The following ATF6 variants were observed in gnomAD, a reference collection of about 807,000 sequenced individuals.
ATF6 encodes cyclic AMP-dependent transcription factor ATF-6 alpha.
Under a neutral mutation model 83.6 loss-of-function variants are expected in ATF6, and 53 were observed. That is an observed-to-expected ratio of 0.63 (90% CI 0.51 to 0.80). The LOEUF is 0.80. Ranked by LOEUF, ATF6 falls within the 30% of genes least tolerant of loss-of-function variation. ATF6 has a pLI of 0.00. For synonymous variants in ATF6, 288 were observed against 285.8 expected, an observed-to-expected ratio of 1.01 and a Z score of -0.08; for missense variants, 744 against 797.9, an observed-to-expected ratio of 0.93 and a Z score of 0.81.
chr1:161,818,998 A>C (rs1685683849), intron 7 of ATF6, among the ~76,000 whole-genome samples: 1 of 152,162 alleles, frequency 6.6e-6, no homozygotes. Context: ...GTATTAGGAG[A>C]GTGGAAGAGG....
chr1:161,779,687 C>A (rs1188184867), intron 2 of ATF6, among the ~76,000 whole-genome samples: 1 of 152,108 alleles, frequency 6.6e-6, no homozygotes, highest in Non-Finnish European at 1.5e-5. Context: ...ACATTGGTAA[C>A]TTTACTTAGA....
At position 161,964,001 on chromosome 1, in the gene ATF6, C is replaced by T. The variant is rs1689155773; in HGVS notation, c.*5347C>T. The T allele has an allele frequency of 6.6e-6, 1 of 152,194 alleles. No individual in the cohort carries two copies. Among genetic ancestry groups the T allele is most frequent in the Non-Finnish European group, 1.5e-5 (1 of 68,030 alleles). 9.4% of individuals were successfully genotyped at this position (152,194 alleles called of 1,614,324 possible). A position where few individuals can be genotyped will look rare whatever the true frequency, so the allele number is the denominator to read the frequency against. ...AAGAAATAATAACAACAGACTATTT[C>T]ATACTTTCAAGCAAGTCTTTATACT... On this transcript the variant is annotated 3_prime_UTR_variant, in exon 16 of 16. Coordinates refer to ENST00000367942, the MANE Select transcript of ATF6 (RefSeq NM_007348.4).
intron 9 of ATF6, among the ~76,000 whole-genome samples, chr1:161,824,485 G>A (rs1025779773): frequency 6.7e-6 from 1 of 149,980 alleles, no homozygotes; most frequent in African/African-American, 2.5e-5. Context: ...ATTCCCTATC[G>A]CCTTTCTTTC....
At chr1:161,935,527 T>G (rs1272761292) in intron 15 of ATF6, among the ~76,000 whole-genome samples, 1 of 152,192 alleles carries the variant, frequency 6.6e-6, no homozygotes, top group East Asian at 1.9e-4. Context: ...AAATTTCTGG[T>G]TTTTATAAGC....
intron 6 of ATF6, 86 bp downstream of exon 6, chr1:161,792,413 A>G (rs1346663797): frequency 4.6e-6 from 6 of 1,312,990 alleles, no homozygotes; most frequent in South Asian, 1.3e-5. Context: ...TTCAGGTTAT[A>G]ATTTCTGAGC....
intron 1 of ATF6, among the ~76,000 whole-genome samples, chr1:161,773,083 A>G (rs1218447958): frequency 2.0e-5 from 3 of 148,198 alleles, no homozygotes; most frequent in Non-Finnish European, 4.4e-5. Flanking sequence ...TTCCCGCCTC[A>G]GCTTCCTGAG....
intron 12 of ATF6, among the ~76,000 whole-genome samples, chr1:161,854,977 T>C (rs1456402702): frequency 2.6e-5 from 4 of 151,900 alleles, no homozygotes; most frequent in African/African-American, 9.7e-5. Context: ...TGAGTACGAC[T>C]GGAATGCAGG....
At chr1:161,818,139 A>T (rs911195946) in intron 7 of ATF6, among the ~76,000 whole-genome samples, 2 of 151,990 alleles carry the variant, frequency 1.3e-5, no homozygotes, top group Non-Finnish European at 2.9e-5. Flanking sequence ...ACATTCTTTA[A>T]CTTTATTTAC....
chr1:161,782,079 G>A (rs1684644434), intron 3 of ATF6, 80 bp downstream of exon 3: 1 of 953,512 alleles, frequency 1.0e-6, no homozygotes, highest in Non-Finnish European at 1.6e-6. Flanking sequence ...AATTAGGTGG[G>A]GTTATTGGGC....
At chr1:161,873,636 C>T (rs1481886794) in intron 14 of ATF6, among the ~76,000 whole-genome samples, 1 of 151,574 alleles carries the variant, frequency 6.6e-6, no homozygotes, top group Non-Finnish European at 1.5e-5. Context: ...CACATTGCTG[C>T]TAGTCTTCTA....
At chr1:161,912,183 T>C (rs1268049442) in intron 14 of ATF6, 113 bp from the exon 15 acceptor site, 2 of 576,664 alleles carry the variant, frequency 3.5e-6, no homozygotes, top group Non-Finnish European at 5.8e-6. Context: ...AAATAAAAAC[T>C]ATAATTTTTC....
chr1:161,861,544 T>C (rs1686886336), intron 13 of ATF6, among the ~76,000 whole-genome samples: 1 of 152,212 alleles, frequency 6.6e-6, no homozygotes, highest in South Asian at 2.1e-4. Context: ...AATTTTTGGA[T>C]GCATGGTTAT....
At position 161,960,786 on chromosome 1, in the gene ATF6, G is replaced by C. The variant is rs1392035669; in HGVS notation, c.*2132G>C. 6.6e-6 allele frequency: 1 copy of C among 152,190 alleles called. No individual in the cohort carries two copies. The highest frequency in any genetic ancestry group is 1.5e-5 in the Non-Finnish European group (1 of 68,024). 9.4% of individuals were successfully genotyped at this position (152,190 alleles called of 1,614,324 possible). ...AGGAATATAAGGCAAATGCCCAGAA[G>C]ACCTTCAGGTGACTGGGCAGTCTTA... On this transcript the variant is annotated 3_prime_UTR_variant, in exon 16 of 16. Coordinates refer to ENST00000367942, the MANE Select transcript of ATF6 (RefSeq NM_007348.4).
intron 15 of ATF6, among the ~76,000 whole-genome samples, chr1:161,913,612 A>G (rs1226594933): frequency 6.6e-6 from 1 of 152,242 alleles, no homozygotes; most frequent in African/African-American, 2.4e-5. Context: ...AAACAGTAAC[A>G]TTGAGAAGAA....
intron 15 of ATF6, among the ~76,000 whole-genome samples, chr1:161,933,023 T>C (rs1688465002): frequency 1.3e-5 from 2 of 152,236 alleles, no homozygotes; most frequent in Non-Finnish European, 2.9e-5. Context: ...AGTATCTTTG[T>C]AACCTAATCT....
At chr1:161,790,049 A>G (rs1164112396) in intron 4 of ATF6, among the ~76,000 whole-genome samples, 1 of 152,012 alleles carries the variant, frequency 6.6e-6, no homozygotes, top group African/African-American at 2.4e-5. Context: ...GCCTTTGACT[A>G]CCATTTGCGT....
At chr1:161,801,059 T>G (rs1174673695) in intron 6 of ATF6, among the ~76,000 whole-genome samples, 8 of 152,178 alleles carry the variant, frequency 5.3e-5, no homozygotes, top group African/African-American at 7.2e-5. Context: ...GGACCAGAAG[T>G]GTGGAGTTTT....
chr1:161,814,087 A>G (rs1395772389), intron 7 of ATF6, among the ~76,000 whole-genome samples: 1 of 151,966 alleles, frequency 6.6e-6, no homozygotes, highest in Admixed American at 6.6e-5. Flanking sequence ...GGTTTTTTCC[A>G]TGTTGAGGCT....
intron 15 of ATF6, among the ~76,000 whole-genome samples, chr1:161,929,497 C>A (rs1183138053): frequency 2.0e-5 from 3 of 152,136 alleles, no homozygotes; most frequent in African/African-American, 4.8e-5. Context: ...AGGCCATATG[C>A]CTGTACCCTA....
Sources: gnomAD v4.1 joint callset for allele counts (sites outside exome capture counted in the v4.1 genomes callset) on GRCh38, gnomAD v4.1.1 for gene constraint, MANE v1.5 for transcripts, NCBI Gene and HGNC (gene_info 2026-07-23, HGNC 2026-07-21) for gene names.